The following NFATC3 variants were observed in gnomAD, a reference collection of about 807,000 sequenced individuals.
The protein encoded by NFATC3 is nuclear factor of activated T-cells, cytoplasmic 3.
A neutral mutation model predicts 98.6 loss-of-function variants in NFATC3; 46 were observed. The ratio of observed to expected loss-of-function variants is 0.47; its 90% CI spans 0.37 to 0.60. The LOEUF is 0.60. Among genes scored for constraint, NFATC3 ranks in the 20% least tolerant of loss-of-function variants. NFATC3 has a pLI of 0.00. For synonymous variants in NFATC3, 512 were observed against 472.2 expected (o/e 1.08, Z -1.09); for missense variants, 1,256 against 1,295.5 (o/e 0.97, Z 0.47).
chr16:68,086,062 C>T, intron 1 of NFATC3: 1 of 379,344 alleles, frequency 2.6e-6, no homozygotes, highest in South Asian at 5.9e-5. Flanking sequence ...CGGGCTGCTG[C>T]CCAAGTGGCG....
intron 3 of NFATC3, among the ~76,000 whole-genome samples, chr16:68,155,039 A>C (rs879810590): frequency 1.3e-5 from 2 of 152,228 alleles, no homozygotes; most frequent in African/African-American, 4.8e-5. Context: ...CTTCTTTATA[A>C]ATGTTACAGG....
At chr16:68,217,630 C>G (rs2041688869) in intron 9 of NFATC3, 1 of 1,230,280 alleles carries the variant, frequency 8.1e-7, no homozygotes, top group African/African-American at 1.6e-5. Context: ...GAGACATTTC[C>G]ACATAGGAAA....
intron 3 of NFATC3, among the ~76,000 whole-genome samples, chr16:68,144,632 A>G (rs2098369524): frequency 6.6e-6 from 1 of 151,912 alleles, no homozygotes; most frequent in South Asian, 2.1e-4. Flanking sequence ...GGCGTGAGCC[A>G]CTGCGCCTAG....
chr16:68,177,254 T>C (rs113579235), intron 6 of NFATC3, among the ~76,000 whole-genome samples: 18,816 of 152,094 alleles, frequency 0.12, 1,285 homozygotes, highest in South Asian at 0.2. Context: ...TTTCACCATG[T>C]TGGCCAGGCT....
At chr16:68,174,807 C>T (rs2039612767) in intron 6 of NFATC3, among the ~76,000 whole-genome samples, 1 of 152,134 alleles carries the variant, frequency 6.6e-6, no homozygotes, top group African/African-American at 2.4e-5. Flanking sequence ...CTGATTGTGG[C>T]ACTTCACTCC....
chr16:68,131,249 A>G (rs767716348), intron 3 of NFATC3, among the ~76,000 whole-genome samples: 64 of 152,002 alleles, frequency 4.2e-4, no homozygotes, highest in Admixed American at 9.2e-4. Context: ...GTGCTTATTG[A>G]TACATTCTTA....
chr16:68,168,526 T>C (rs1481309886), intron 5 of NFATC3, among the ~76,000 whole-genome samples: 2 of 150,624 alleles, frequency 1.3e-5, no homozygotes, highest in Non-Finnish European at 3.0e-5. Flanking sequence ...CCCTCTTTCA[T>C]CCAGGCTCGA....
At chr16:68,221,109 A>G in intron 9 of NFATC3, 1 of 1,440,816 alleles carries the variant, frequency 6.9e-7, no homozygotes, top group South Asian at 1.2e-5. Flanking sequence ...GACTTGAAAA[A>G]TTAAATTGCA....
At chr16:68,131,352 A>G (rs2037103779) in intron 3 of NFATC3, among the ~76,000 whole-genome samples, 1 of 152,112 alleles carries the variant, frequency 6.6e-6, no homozygotes, top group African/African-American at 2.4e-5. Flanking sequence ...ATATTGGCTC[A>G]CTGCAGCCTC....
At chr16:68,106,257 G>A (rs146303545) in intron 1 of NFATC3, among the ~76,000 whole-genome samples, 5 of 150,928 alleles carry the variant, frequency 3.3e-5, no homozygotes, top group African/African-American at 4.9e-5. Flanking sequence ...ATCCACTTAC[G>A]TTGTGCTAAA....
intron 9 of NFATC3, chr16:68,225,303 A>AC (rs2042005246): frequency 1.3e-5 from 2 of 152,228 alleles, no homozygotes; most frequent in South Asian, 4.1e-4. Context: ...CTCCATACTC[A>AC]TTAGTAATTC....
chr16:68,095,804 G>A (rs1448765961), intron 1 of NFATC3, among the ~76,000 whole-genome samples: 1 of 152,164 alleles, frequency 6.6e-6, no homozygotes, highest in African/African-American at 2.4e-5. Flanking sequence ...ATTGATCCTG[G>A]ATTAATAACA....
intron 1 of NFATC3, among the ~76,000 whole-genome samples, chr16:68,090,661 G>A (rs550073184): frequency 2.4e-4 from 36 of 152,156 alleles, no homozygotes; most frequent in Admixed American, 2.0e-3. Flanking sequence ...TTAGTACAAT[G>A]TGAAAGTTGG....
At chr16:68,222,313 AAAAAAAAAAAAAATAG>A (rs2041899879) in intron 9 of NFATC3, among the ~76,000 whole-genome samples, 1 of 144,784 alleles carries the variant, frequency 6.9e-6, no homozygotes, top group Non-Finnish European at 1.5e-5. Flanking sequence ...AAAAAAAAAA[AAAAAAAAAAAAAATAG>A]AAAAAAGAAA....
Position 68,183,435 on chromosome 16 carries a change from C to A in NFATC3, c.2098+69C>A, listed in dbSNP as rs373696722. On this transcript the variant is annotated intron_variant, in intron 8 of 9. Transcript: ENST00000346183. ...ATGAATAAAAAGTTATTTAACGAAT[C>A]CTATATTACAGTGTTTAAGGTAGAG... 6.8e-4 allele frequency: 1,058 copies of A among 1,546,916 alleles called. 11 individuals carry two copies. Among genetic ancestry groups the A allele is most frequent in the South Asian group, 5.9e-3 (512 of 87,452 alleles).
chr16:68,137,808 G>T (rs190525961), intron 3 of NFATC3, among the ~76,000 whole-genome samples: 1 of 151,748 alleles, frequency 6.6e-6, no homozygotes, highest in Non-Finnish European at 1.5e-5. Flanking sequence ...AGTAGAGATG[G>T]GGTTTCACCG....
chr16:68,096,701 T>A (rs1215800728), intron 1 of NFATC3, among the ~76,000 whole-genome samples: 1 of 151,984 alleles, frequency 6.6e-6, no homozygotes, highest in Non-Finnish European at 1.5e-5. Context: ...GTGGGATGAG[T>A]TCACCAGGTG....
intron 1 of NFATC3, among the ~76,000 whole-genome samples, chr16:68,098,300 A>ATTTTT (rs200355791): frequency 2.1e-5 from 2 of 94,340 alleles, no homozygotes; most frequent in East Asian, 3.0e-4. Flanking sequence ...TATTATTATT[A>ATTTTT]TTTTTTTTTT....
chr16:68,203,854 C>T (rs1338856060), intron 9 of NFATC3, among the ~76,000 whole-genome samples: 3 of 151,964 alleles, frequency 2.0e-5, no homozygotes, highest in Non-Finnish European at 2.9e-5. Flanking sequence ...AGTTCAAGAC[C>T]AGCTTAACCA....
Sources: allele counts gnomAD v4.1 joint callset (sites outside exome capture counted in the v4.1 genomes callset), GRCh38; gene constraint gnomAD v4.1.1; transcripts MANE v1.5; gene names NCBI Gene and HGNC (gene_info 2026-07-23, HGNC 2026-07-21).